GNAL: variants seen among roughly 807,000 people sequenced by gnomAD.
GNAL encodes the protein guanine nucleotide-binding protein G(olf) subunit alpha.
GNAL carries 18 observed loss-of-function variants against 55.1 expected under a neutral mutation model. The ratio of observed to expected loss-of-function variants is 0.33; its 90% CI spans 0.23 to 0.48. The LOEUF is 0.48. GNAL is among the 20% of genes least tolerant of loss of function. The pLI, the probability that GNAL is intolerant of heterozygous loss-of-function variation, is 0.99. For synonymous variants in GNAL, 253 were observed against 237.0 expected (o/e 1.07, Z -0.62); for missense variants, 412 against 614.1 (o/e 0.67, Z 3.48).
At chr18:11,759,625 C>T (rs180791046) in intron 4 of GNAL, among the ~76,000 whole-genome samples, 19 of 152,334 alleles carry the variant, frequency 1.2e-4, no homozygotes, top group African/African-American at 2.4e-4. Context: ...GCCAAGGCCC[C>T]GAGAGCCAGA....
chr18:11,793,198 A>G (rs1318514942), intron 4 of GNAL, among the ~76,000 whole-genome samples: 3 of 148,340 alleles, frequency 2.0e-5, no homozygotes, highest in Non-Finnish European at 4.4e-5. Context: ...ATCAAAGGAC[A>G]TAAGAAAGCA....
intron 5 of GNAL, among the ~76,000 whole-genome samples, chr18:11,846,680 C>A (rs60251723): frequency 6.3e-4 from 95 of 151,786 alleles, no homozygotes; most frequent in African/African-American, 2.1e-3. Flanking sequence ...CCATCTTGTC[C>A]AGGCTGTTGT....
chr18:11,809,051 G>C (rs1221749396), intron 4 of GNAL, among the ~76,000 whole-genome samples: 1 of 152,126 alleles, frequency 6.6e-6, no homozygotes, highest in Non-Finnish European at 1.5e-5. Flanking sequence ...TGAGGTCAGG[G>C]GTTCAAGACC....
chr18:11,798,095 C>T (rs891786719), intron 4 of GNAL, among the ~76,000 whole-genome samples: 5 of 152,136 alleles, frequency 3.3e-5, no homozygotes, highest in Admixed American at 6.5e-5. Flanking sequence ...AAGCCAGGCA[C>T]GGTGGCTGTC....
intron 4 of GNAL, among the ~76,000 whole-genome samples, chr18:11,800,478 G>T (rs776289500): frequency 1.3e-5 from 2 of 152,194 alleles, no homozygotes; most frequent in Non-Finnish European, 1.5e-5. Flanking sequence ...CTCTGGGGTG[G>T]CCTGTAAGTG....
chr18:11,799,036 C>T (rs1296148170), intron 4 of GNAL, among the ~76,000 whole-genome samples: 1 of 151,796 alleles, frequency 6.6e-6, no homozygotes, highest in African/African-American at 2.4e-5. Flanking sequence ...TTGCTTGAAC[C>T]TGGGAGGCGG....
At chr18:11,795,042 C>G (rs549198094) in intron 4 of GNAL, among the ~76,000 whole-genome samples, 1 of 152,150 alleles carries the variant, frequency 6.6e-6, no homozygotes, top group East Asian at 2.0e-4. Context: ...AGCGTTTTTC[C>G]ATGTTGACCA....
At chr18:11,749,590 G>A (rs928579238) in intron 1 of GNAL, among the ~76,000 whole-genome samples, 1 of 152,176 alleles carries the variant, frequency 6.6e-6, no homozygotes, top group Non-Finnish European at 1.5e-5. Flanking sequence ...ACAAGGATAG[G>A]CTCAGCCTCC....
intron 1 of GNAL, among the ~76,000 whole-genome samples, chr18:11,737,013 A>G (rs978112973): frequency 6.6e-6 from 1 of 152,246 alleles, no homozygotes; most frequent in Admixed American, 6.5e-5. Flanking sequence ...AATGCTAACA[A>G]TTGAAGTAAC....
At chr18:11,798,401 C>T (rs1282330134) in intron 4 of GNAL, among the ~76,000 whole-genome samples, 2 of 152,180 alleles carry the variant, frequency 1.3e-5, no homozygotes, top group African/African-American at 4.8e-5. Flanking sequence ...GCCTCTTTTC[C>T]TATCGAACAA....
chr18:11,780,648 T>C (rs939504752), intron 4 of GNAL, among the ~76,000 whole-genome samples: 1 of 152,168 alleles, frequency 6.6e-6, no homozygotes, highest in Non-Finnish European at 1.5e-5. Flanking sequence ...CCAGACACAG[T>C]CTTAGCCAAT....
At chr18:11,863,650 G>GA (rs113975970) in intron 6 of GNAL, among the ~76,000 whole-genome samples, 73 of 146,668 alleles carry the variant, frequency 5.0e-4, no homozygotes, top group Non-Finnish European at 4.4e-4. Flanking sequence ...TGGGGGTCAG[G>GA]AAAAAAAAAA....
intron 4 of GNAL, among the ~76,000 whole-genome samples, chr18:11,803,082 A>G (rs984011464): frequency 3.9e-5 from 6 of 152,204 alleles, no homozygotes; most frequent in African/African-American, 1.4e-4. Flanking sequence ...GATAAAATAC[A>G]TATAACATAA....
rs924825514 is a variant in GNAL, at chr18:11,855,024, G to A, written c.723-7371G>A. On this transcript the variant is annotated intron_variant, in intron 5 of 11. Coordinates refer to ENST00000334049, the MANE Select transcript of GNAL (RefSeq NM_182978.4). ...CTGCCTCCACCTCCCAGGTTCTAGCGATCCTCCTGCCTCAGCCCCCTGAGT... is the reference window on the plus strand; with the variant it reads ...CTGCCTCCACCTCCCAGGTTCTAGCAATCCTCCTGCCTCAGCCCCCTGAGT... Among the ~76,000 whole-genome samples the A allele has an allele frequency of 1.4e-4, 21 of 149,690 alleles. 1 individual carries two copies. Among genetic ancestry groups the A allele is most frequent in the African/African-American group, 3.6e-4 (14 of 39,402 alleles).
intron 1 of GNAL, among the ~76,000 whole-genome samples, chr18:11,695,993 T>C (rs8096345): frequency 0.35 from 53,799 of 151,882 alleles, 13,155 homozygotes; most frequent in African/African-American, 0.7. Flanking sequence ...CTCTGGGATT[T>C]TGATGACTTT....
chr18:11,808,198 A>T, intron 4 of GNAL, among the ~76,000 whole-genome samples: 1 of 151,392 alleles, frequency 6.6e-6, no homozygotes. Flanking sequence ...CCCAGACTCT[A>T]CTCTCCTCCA....
chr18:11,856,505 A>G (rs956571317), intron 5 of GNAL, among the ~76,000 whole-genome samples: 5 of 151,236 alleles, frequency 3.3e-5, no homozygotes, highest in Non-Finnish European at 5.9e-5. Flanking sequence ...ATGGACACTC[A>G]AGAGCTGTGT....
At chr18:11,762,929 C>G (rs1020895142) in intron 4 of GNAL, among the ~76,000 whole-genome samples, 11 of 152,046 alleles carry the variant, frequency 7.2e-5, no homozygotes, top group African/African-American at 2.7e-4. Flanking sequence ...GGAGGGAAAC[C>G]CCCACTGAGA....
Position 11,773,651 on chromosome 18 carries a change from T to G in GNAL, c.624+19706T>G, listed in dbSNP as rs566310567. On this transcript the variant is annotated intron_variant, in intron 4 of 11. Coordinates refer to ENST00000334049, the MANE Select transcript of GNAL (RefSeq NM_182978.4). ...ATAAAAAAAATAGCCGGGCATGGTG[T>G]TGTATGCCTGTGGTCCCAGCTTTTC... is the stretch of plus-strand genomic sequence containing the variant. Among the ~76,000 whole-genome samples the G allele has an allele frequency of 3.9e-5, 6 of 152,152 alleles. No homozygotes were observed. In the South Asian group the frequency reaches 8.3e-4, roughly 21 times the overall value.
Sources: allele counts gnomAD v4.1 joint callset (sites outside exome capture counted in the v4.1 genomes callset), GRCh38; gene constraint gnomAD v4.1.1; transcripts MANE v1.5; gene names NCBI Gene and HGNC (gene_info 2026-07-23, HGNC 2026-07-21).